Variants in PIEZO2 observed in about 807,000 individuals in gnomAD.
PIEZO2 encodes the protein piezo-type mechanosensitive ion channel component 2.
PIEZO2 carries 172 observed loss-of-function variants against 337.3 expected under a neutral mutation model. The ratio of observed to expected loss-of-function variants is 0.51; its 90% CI spans 0.45 to 0.58. PIEZO2 has a LOEUF of 0.58. Ranked by LOEUF, PIEZO2 falls within the 20% of genes least tolerant of loss-of-function variation. PIEZO2 has a pLI of 0.00. For missense variants in PIEZO2, 3,028 were observed against 3,391.3 expected (o/e 0.89, Z 2.66); for synonymous variants, 1,251 against 1,228.5 (o/e 1.02, Z -0.38).
chr18:11,067,308 A>G (rs1403976675), intron 1 of PIEZO2, among the ~76,000 whole-genome samples: 1 of 152,024 alleles, frequency 6.6e-6, no homozygotes. Flanking sequence ...AAAAAATAAC[A>G]TTTTTTTCCT....
chr18:10,726,984 G>A lies in PIEZO2; in HGVS notation c.5029+4423C>T, dbSNP rs1598405948. 8.7e-7 allele frequency: 1 copy of A among 1,148,532 alleles called. No homozygotes were observed. The highest frequency in any genetic ancestry group is 2.5e-5 in the East Asian group (1 of 39,288). The allele number at this position is 1,148,532 out of a possible 1,614,324, so 71.1% of individuals were successfully genotyped here. A position where few individuals can be genotyped will look rare whatever the true frequency, so the allele number is the denominator to read the frequency against. On this transcript the variant is annotated intron_variant, in intron 36 of 55. Transcript: ENST00000674853. The surrounding 1 kb of genome is among the most constrained non-coding windows in gnomAD (Gnocchi z 5.9). ...ACAGAGGCCCTGGACAGAAGCTCCA[G>A]ATAGGCCCCCAGAACATGAAGCTGT...
Position 10,788,427 on chromosome 18 carries a change from A to AAAGGAAGGAAGG in PIEZO2, c.2169+640_2169+651dup, listed in dbSNP as rs10532745. ...CTGTCTCAAAAAAAAAAAAAGAAAG[A>AAAGGAAGGAAGG]AAGGAAGGAAGGAAGGAAGGAAGGA... On this transcript the variant is annotated intron_variant, in intron 15 of 55. Transcript: ENST00000674853. Among the ~76,000 whole-genome samples, 510 of 123,946 alleles carry AAAGGAAGGAAGG rather than the reference A, an allele frequency of 4.1e-3. 4 individuals are homozygous for AAAGGAAGGAAGG. Among genetic ancestry groups the AAAGGAAGGAAGG allele is most frequent in the African/African-American group, 5.0e-3 (162 of 32,560 alleles). The allele number at this position is 123,946 out of a possible 152,430, so 81.3% of individuals were successfully genotyped here.
intron 11 of PIEZO2, among the ~76,000 whole-genome samples, chr18:10,798,583 G>A (rs1305028684): frequency 1.3e-5 from 2 of 152,204 alleles, no homozygotes; most frequent in African/African-American, 2.4e-5. Context: ...CACTTTTTGT[G>A]TATATAGATT....
intron 44 of PIEZO2, 51 bp from the exon 45 acceptor site, chr18:10,697,931 C>T (rs535239873): frequency 6.4e-7 from 1 of 1,552,234 alleles, no homozygotes; most frequent in South Asian, 1.2e-5. Context: ...GGGGTTTGTT[C>T]ACCTAAATAT....
At chr18:10,883,666 A>G (rs2042487783) in intron 4 of PIEZO2, among the ~76,000 whole-genome samples, 1 of 152,126 alleles carries the variant, frequency 6.6e-6, no homozygotes, top group Non-Finnish European at 1.5e-5. Context: ...TACATTAGTA[A>G]CTAGAGTCAC....
chr18:11,137,382 C>T (rs1041232930), intron 1 of PIEZO2, among the ~76,000 whole-genome samples: 13 of 152,136 alleles, frequency 8.5e-5, no homozygotes, highest in African/African-American at 3.1e-4. Flanking sequence ...GATTTATGGC[C>T]ATACCTTTTA....
At chr18:11,011,371 A>G (rs1222960451) in intron 2 of PIEZO2, among the ~76,000 whole-genome samples, 1 of 152,190 alleles carries the variant, frequency 6.6e-6, no homozygotes, top group Non-Finnish European at 1.5e-5. Flanking sequence ...TGTAATTAAA[A>G]TCTACTATGC....
chr18:10,807,876 A>G (rs913045137), intron 7 of PIEZO2, among the ~76,000 whole-genome samples: 1 of 152,214 alleles, frequency 6.6e-6, no homozygotes, highest in African/African-American at 2.4e-5. Flanking sequence ...TCTTTGAAAT[A>G]TGACTTTGAG....
intron 7 of PIEZO2, 68 bp from the exon 8 acceptor site, chr18:10,807,342 G>T (rs2040033434): frequency 1.4e-6 from 2 of 1,417,140 alleles, no homozygotes; most frequent in South Asian, 1.3e-5. Flanking sequence ...TTGAATAAAA[G>T]TACTTTGTTT....
intron 7 of PIEZO2, among the ~76,000 whole-genome samples, chr18:10,844,088 CAGAG>C (rs970814338): frequency 3.3e-5 from 5 of 152,100 alleles, no homozygotes; most frequent in African/African-American, 1.2e-4. Context: ...CCTTAGAAGT[CAGAG>C]AGAATTGGGC....
intron 1 of PIEZO2, among the ~76,000 whole-genome samples, chr18:11,095,627 T>C (rs750395794): frequency 7.2e-5 from 11 of 152,204 alleles, no homozygotes; most frequent in Non-Finnish European, 1.5e-4. Context: ...AATTATTTTA[T>C]TCATACCAAG....
chr18:10,720,234 G>GTGTGTGTATATATATATATATATATA (rs1225106343), intron 36 of PIEZO2, among the ~76,000 whole-genome samples: 6 of 119,918 alleles, frequency 5.0e-5, no homozygotes, highest in African/African-American at 2.0e-4. Context: ...GTGTGTGTGT[G>GTGTGTGTATATATATATATATATATA]TATATATATA....
chr18:11,072,598 A>C (rs776564772), intron 1 of PIEZO2, among the ~76,000 whole-genome samples: 1 of 152,242 alleles, frequency 6.6e-6, no homozygotes, highest in Non-Finnish European at 1.5e-5. Context: ...GCCCGGATCT[A>C]TGCATTTCAC....
At chr18:11,138,865 A>C (rs1339945633) in intron 1 of PIEZO2, among the ~76,000 whole-genome samples, 1 of 152,198 alleles carries the variant, frequency 6.6e-6, no homozygotes, top group East Asian at 1.9e-4. Flanking sequence ...CATAGCACAG[A>C]GGCTGTCTGA....
Position 11,109,441 on chromosome 18 carries a change from C to A in PIEZO2, c.64+39084G>T, listed in dbSNP as rs1382835374. ...AGTATGGAATTAGAAATAGGCCAGG[C>A]GCGGTGGCTCATGTCTGTAATCCCA... On this transcript the variant is annotated intron_variant, in intron 1 of 55. Transcript: ENST00000674853. This position sits in a 1 kb window ranked among gnomAD's most constrained non-coding sequence, Gnocchi z 5.1. 1.3e-5 allele frequency among the ~76,000 whole-genome samples: 2 copies of A among 152,050 alleles called. No homozygotes were observed. Among genetic ancestry groups the A allele is most frequent in the African/African-American group, 2.4e-5 (1 of 41,390 alleles).
At chr18:10,804,125 AT>A in intron 8 of PIEZO2, 131 bp from the exon 9 acceptor site, 2 of 1,123,504 alleles carry the variant, frequency 1.8e-6, no homozygotes, top group Non-Finnish European at 2.4e-6. Flanking sequence ...AATATACAGG[AT>A]TTTATCAAGA....
chr18:10,827,831 G>A (rs900319864), intron 7 of PIEZO2, among the ~76,000 whole-genome samples: 1 of 152,130 alleles, frequency 6.6e-6, no homozygotes, highest in African/African-American at 2.4e-5. Flanking sequence ...TAGAGAACTA[G>A]CTCATGTTAA....
chr18:10,926,563 A>G (rs1038484766), intron 3 of PIEZO2, among the ~76,000 whole-genome samples: 2 of 152,164 alleles, frequency 1.3e-5, no homozygotes. Flanking sequence ...TAGCCCCCTC[A>G]ACAATCAGAC....
At chr18:10,991,233 CA>C (rs997115028) in intron 2 of PIEZO2, among the ~76,000 whole-genome samples, 7 of 146,694 alleles carry the variant, frequency 4.8e-5, no homozygotes, top group Admixed American at 1.3e-4. Context: ...CACACACACA[CA>C]TTTTTTTTTC....
Sources: allele counts gnomAD v4.1 joint callset (sites outside exome capture counted in the v4.1 genomes callset), GRCh38; gene constraint gnomAD v4.1.1; non-coding constraint Gnocchi (gnomAD v3.1); transcripts MANE v1.5; gene names NCBI Gene and HGNC (gene_info 2026-07-23, HGNC 2026-07-21).